Variants in TMEM74 observed in about 807,000 individuals in gnomAD.
TMEM74 encodes the protein transmembrane protein 74.
Under a neutral mutation model 18.1 loss-of-function variants are expected in TMEM74, and 13 were observed. That is an observed-to-expected ratio of 0.72 (90% confidence interval 0.47 to 1.14). The LOEUF (loss-of-function observed/expected upper bound fraction) is 1.14, where lower values mean the gene tolerates loss of function less well. TMEM74 is among the 50% of genes most tolerant of loss of function. The pLI is 0.00. For missense variants in TMEM74, 372 were observed against 375.9 expected (o/e 0.99, Z 0.09); for synonymous variants, 159 against 146.6 (o/e 1.08, Z -0.61).
chr8:108,709,537 T>C (rs1399218208), intron 1 of TMEM74, among the ~76,000 whole-genome samples: 1 of 152,032 alleles, frequency 6.6e-6, no homozygotes, highest in Non-Finnish European at 1.5e-5. Context: ...GTAAGAGAAA[T>C]GGGGAATTGT....
At chr8:108,614,667 T>G (rs1349648251) in intron 2 of TMEM74, among the ~76,000 whole-genome samples, 1 of 152,202 alleles carries the variant, frequency 6.6e-6, no homozygotes, top group African/African-American at 2.4e-5. Flanking sequence ...TGGGGGGTTT[T>G]GTGAGAAACT....
chr8:108,675,952 C>CA (rs1294575840), intron 1 of TMEM74, among the ~76,000 whole-genome samples: 1 of 151,714 alleles, frequency 6.6e-6, no homozygotes, highest in East Asian at 1.9e-4. Context: ...AATATAGGAG[C>CA]AAAATAATTA....
At chr8:108,709,453 A>G (rs575763865) in intron 1 of TMEM74, among the ~76,000 whole-genome samples, 1 of 152,176 alleles carries the variant, frequency 6.6e-6, no homozygotes, top group African/African-American at 2.4e-5. Context: ...GCTTGATTCT[A>G]CTTACATGAG....
At chr8:108,727,135 G>C (rs1813646722) in intron 1 of TMEM74, among the ~76,000 whole-genome samples, 2 of 152,146 alleles carry the variant, frequency 1.3e-5, no homozygotes, top group East Asian at 1.9e-4. Context: ...TAGGAGAGGA[G>C]AGAGGATATT....
chr8:108,692,175 A>G (rs529781815), intron 1 of TMEM74, among the ~76,000 whole-genome samples: 10 of 152,310 alleles, frequency 6.6e-5, no homozygotes, highest in Non-Finnish European at 1.5e-4. Context: ...GAGTTGCATG[A>G]AGTCATAGTC....
chr8:108,747,373 A>G (rs1057362950), intron 1 of TMEM74, among the ~76,000 whole-genome samples: 1 of 151,978 alleles, frequency 6.6e-6, no homozygotes, highest in African/African-American at 2.4e-5. Flanking sequence ...AAGAATACAG[A>G]AAAAAAAGCA....
At chr8:108,766,189 G>C (rs1217685765) in intron 1 of TMEM74, among the ~76,000 whole-genome samples, 1 of 151,022 alleles carries the variant, frequency 6.6e-6, no homozygotes, top group African/African-American at 2.5e-5. Context: ...TAATTTGGGG[G>C]TTATTTCTCC....
chr8:108,650,960 C>A (rs1812768481), intron 2 of TMEM74, among the ~76,000 whole-genome samples: 1 of 152,122 alleles, frequency 6.6e-6, no homozygotes, highest in African/African-American at 2.4e-5. Flanking sequence ...ATCTGCCCAC[C>A]TCGGCCTCGC....
chr8:108,708,801 C>T (rs1323943473), intron 1 of TMEM74, among the ~76,000 whole-genome samples: 5 of 47,230 alleles, frequency 1.1e-4, no homozygotes, highest in Admixed American at 2.7e-4. Flanking sequence ...ACTTCTACAA[C>T]TCAATAGCAA....
intron 2 of TMEM74, among the ~76,000 whole-genome samples, chr8:108,615,713 A>G (rs1277059269): frequency 1.3e-5 from 2 of 151,606 alleles, no homozygotes; most frequent in East Asian, 3.9e-4. Context: ...CATGCTGAAG[A>G]CCTCAGCATG....
rs1024389108 is a variant in TMEM74, at chr8:108,783,431, A to T, written c.*750T>A. 2.6e-5 allele frequency: 4 copies of T among 152,188 alleles called. No individual in the cohort carries two copies. The highest frequency in any genetic ancestry group is 9.7e-5 in the African/African-American group (4 of 41,444). 9.4% of individuals were successfully genotyped at this position (152,188 alleles called of 1,614,324 possible). A position where few individuals can be genotyped will look rare whatever the true frequency, so the allele number is the denominator to read the frequency against. On this transcript the variant is annotated 3_prime_UTR_variant, in exon 2 of 2. Transcript: ENST00000297459. ...TGATGGCAAAATCACAAAATATAAAACTTATATCAGTAACTAATTTGACTT... is the reference window on the plus strand; with the variant it reads ...TGATGGCAAAATCACAAAATATAAATCTTATATCAGTAACTAATTTGACTT...
chr8:108,759,623 G>T (rs1311140616), intron 1 of TMEM74, among the ~76,000 whole-genome samples: 1 of 152,062 alleles, frequency 6.6e-6, no homozygotes, highest in Non-Finnish European at 1.5e-5. Flanking sequence ...AAGAAGAATG[G>T]CACTGTATGT....
At chr8:108,748,746 T>C (rs1182665042) in intron 1 of TMEM74, among the ~76,000 whole-genome samples, 1 of 151,992 alleles carries the variant, frequency 6.6e-6, no homozygotes, top group African/African-American at 2.4e-5. Flanking sequence ...TTTAAGTCTT[T>C]AATCCATCTT....
intron 1 of TMEM74, among the ~76,000 whole-genome samples, chr8:108,737,548 G>T (rs970575520): frequency 5.9e-5 from 9 of 152,012 alleles, no homozygotes; most frequent in African/African-American, 2.2e-4. Context: ...TTCTATCAAA[G>T]GTAGTCTGAC....
downstream of TMEM74, among the ~76,000 whole-genome samples, chr8:108,776,326 C>G (rs1020503115): frequency 2.6e-5 from 4 of 152,326 alleles, no homozygotes; most frequent in African/African-American, 9.6e-5. Context: ...AACTCTGTCT[C>G]TACTAAAAAT....
chr8:108,702,597 A>G (rs919990885), intron 1 of TMEM74, among the ~76,000 whole-genome samples: 6 of 152,112 alleles, frequency 3.9e-5, no homozygotes, highest in Non-Finnish European at 1.5e-5. Context: ...AACATAGACT[A>G]GGAGAGAAAT....
chr8:108,629,586 A>T (rs544785780), intron 2 of TMEM74, among the ~76,000 whole-genome samples: 1 of 152,232 alleles, frequency 6.6e-6, no homozygotes, highest in Non-Finnish European at 1.5e-5. Context: ...GCCAGCGAGA[A>T]AGGTCAGGTT....
intron 1 of TMEM74, among the ~76,000 whole-genome samples, chr8:108,732,923 A>G (rs913197776): frequency 1.3e-5 from 2 of 152,120 alleles, no homozygotes; most frequent in Non-Finnish European, 2.9e-5. Context: ...AATGGCTAAT[A>G]TGCACTTTAA....
chr8:108,700,624 T>C (rs983058276), intron 1 of TMEM74, among the ~76,000 whole-genome samples: 14 of 151,962 alleles, frequency 9.2e-5, no homozygotes, highest in African/African-American at 3.4e-4. Flanking sequence ...GATAGCAAAA[T>C]AAAGGAGAGA....
Sources: gnomAD v4.1 joint callset for allele counts (sites outside exome capture counted in the v4.1 genomes callset) on GRCh38, gnomAD v4.1.1 for gene constraint, MANE v1.5 for transcripts, NCBI Gene and HGNC (gene_info 2026-07-23, HGNC 2026-07-21) for gene names.